Variants in EFTUD2 observed in about 807,000 individuals in gnomAD.
EFTUD2 encodes the protein elongation factor Tu GTP binding domain containing 2.
In EFTUD2, 9 loss-of-function variants were observed where a neutral mutation model predicts 114.3. The ratio of observed to expected loss-of-function variants is 0.08; its 90% CI spans 0.05 to 0.14. EFTUD2 has a LOEUF of 0.14. Ranked by LOEUF, EFTUD2 falls within the 10% of genes least tolerant of loss-of-function variation. The pLI is 1.00. For synonymous variants in EFTUD2, 449 were observed against 462.3 expected, an observed-to-expected ratio of 0.97 and a Z score of 0.37; for missense variants, 765 against 1,241.2, an observed-to-expected ratio of 0.62 and a Z score of 5.76.
At chr17:44,869,798 C>T (rs979852336) in intron 11 of EFTUD2, among the ~76,000 whole-genome samples, 1 of 152,192 alleles carries the variant, frequency 6.6e-6, no homozygotes, top group African/African-American at 2.4e-5. Flanking sequence ...CCTACCCCAC[C>T]CCTAAATTCT....
chr17:44,872,983 G>A (rs1390754991), intron 10 of EFTUD2: 1 of 152,782 alleles, frequency 6.5e-6, no homozygotes, highest in Non-Finnish European at 1.5e-5. Flanking sequence ...AGGAAATGAA[G>A]AAAAGCAACT....
intron 1 of EFTUD2, among the ~76,000 whole-genome samples, chr17:44,898,345 G>A (rs2051435975): frequency 6.6e-6 from 1 of 152,138 alleles, no homozygotes; most frequent in Non-Finnish European, 1.5e-5. Flanking sequence ...AGCCTCCCGA[G>A]TAGTTGGGAC....
Position 44,884,748 on chromosome 17 carries a change from G to A in EFTUD2, c.350+508C>T, listed in dbSNP as rs146579610. On this transcript the variant is annotated intron_variant, in intron 4 of 27. Transcript: ENST00000426333. ...CAAAAAACACAAAAATTAGCCAGGC[G>A]TGGTGGTGTGTTCCTGTAGTTCCAG... 2.4e-3 allele frequency among the ~76,000 whole-genome samples: 363 copies of A among 152,048 alleles called. 2 individuals are homozygous for A. Among genetic ancestry groups the A allele is most frequent in the African/African-American group, 7.9e-3 (327 of 41,472 alleles).
chr17:44,888,258 T>C (rs2145563562), intron 2 of EFTUD2, among the ~76,000 whole-genome samples: 1 of 152,158 alleles, frequency 6.6e-6, no homozygotes, highest in East Asian at 1.9e-4. Context: ...CTCTAAGAAT[T>C]TGGACTTTAC....
intron 25 of EFTUD2, among the ~76,000 whole-genome samples, chr17:44,852,886 A>ATT (rs11449772): frequency 1.2e-3 from 178 of 148,474 alleles, no homozygotes; most frequent in East Asian, 8.0e-3. Flanking sequence ...AGAAATGTCA[A>ATT]TTTTTTTTTT....
At chr17:44,874,915 T>A (rs2050919064) in intron 10 of EFTUD2, among the ~76,000 whole-genome samples, 1 of 152,258 alleles carries the variant, frequency 6.6e-6, no homozygotes, top group Admixed American at 6.5e-5. Flanking sequence ...TCTTATAACA[T>A]CCCTTGTAAG....
intron 11 of EFTUD2, among the ~76,000 whole-genome samples, chr17:44,871,027 AG>A (rs2050843418): frequency 6.6e-6 from 1 of 151,488 alleles, no homozygotes; most frequent in African/African-American, 2.4e-5. Context: ...CAAAAAAAAA[AG>A]AAAAAGAACC....
intron 4 of EFTUD2, among the ~76,000 whole-genome samples, chr17:44,884,703 G>A (rs1272181715): frequency 6.6e-6 from 1 of 151,808 alleles, no homozygotes; most frequent in Non-Finnish European, 1.5e-5. Context: ...GACCAGCTTG[G>A]GCAACATAGT....
At chr17:44,851,865 A>G (rs915304341) in intron 26 of EFTUD2, 48 bp from the exon 27 acceptor site, 1 of 1,508,896 alleles carries the variant, frequency 6.6e-7, no homozygotes, top group Non-Finnish European at 9.0e-7. Flanking sequence ...TTCCCAGAAG[A>G]TTCAGGCCCA....
chr17:44,868,461 A>G, intron 11 of EFTUD2, 111 bp from the exon 12 acceptor site: 1 of 1,012,196 alleles, frequency 9.9e-7, no homozygotes, highest in Non-Finnish European at 1.5e-6. Context: ...TTTCCTTTCC[A>G]GGGTCCAGGC....
At position 44,851,280 on chromosome 17, in the gene EFTUD2, G is replaced by A; in HGVS notation, c.2913C>T (p.Pro971=). ...LAKQDVVLNY[P]M ...CTCCCAGGAGTCCACGCACTCACAT[G>A]GGGTAATTGAGCACAACATCCTGTT... The change falls in exon 28 of 28, where the codon CCC becomes CCT. Residue 971 remains proline, a synonymous_variant. Coordinates refer to ENST00000426333, the MANE Select transcript of EFTUD2 (RefSeq NM_004247.4). 1 of 1,613,902 alleles carries A rather than the reference G, an allele frequency of 6.2e-7. No individual in the cohort carries two copies. Among genetic ancestry groups the A allele is most frequent in the Non-Finnish European group, 8.5e-7 (1 of 1,179,824 alleles).
At chr17:44,857,505 T>C (rs2050577842) in intron 19 of EFTUD2, 1 of 294,970 alleles carries the variant, frequency 3.4e-6, no homozygotes, top group South Asian at 3.4e-5. Flanking sequence ...GAGCTGGTGC[T>C]GAGACCCACT....
intron 20 of EFTUD2, among the ~76,000 whole-genome samples, chr17:44,856,727 C>T (rs897248817): frequency 2.9e-5 from 4 of 138,312 alleles, no homozygotes; most frequent in Admixed American, 7.4e-5. Flanking sequence ...TGCTTAAGCC[C>T]AGAAAGTTGA....
rs1292476375 is a variant in EFTUD2 at position 44,899,425 on chromosome 17, C to T, written c.-61G>A. Reference sequence around the variant, plus strand: ...CGCTGCCGGAGATCGTGCTTCCGCCCCACGCCGAGGAAACGCCTGCGCCCG... The same window carrying T: ...CGCTGCCGGAGATCGTGCTTCCGCCTCACGCCGAGGAAACGCCTGCGCCCG... On this transcript the variant is annotated 5_prime_UTR_variant, in exon 1 of 28. Coordinates refer to ENST00000426333, the MANE Select transcript of EFTUD2 (RefSeq NM_004247.4). 2 of 152,520 alleles carry T rather than the reference C, an allele frequency of 1.3e-5. No individual in the cohort carries two copies. Among genetic ancestry groups the T allele is most frequent in the East Asian group, 1.9e-4 (1 of 5,200 alleles). The allele number at this position is 152,520 out of a possible 1,614,324, so 9.4% of individuals were successfully genotyped here. A position where few individuals can be genotyped will look rare whatever the true frequency, so the allele number is the denominator to read the frequency against.
Position 44,854,142 on chromosome 17 carries a change from T to G in EFTUD2, c.2347+127A>C, listed in dbSNP as rs1597789001. 49 of 1,402,064 alleles carry G rather than the reference T, an allele frequency of 3.5e-5. No individual in the cohort carries two copies. The East Asian group carries it at 1.1e-3, about 32-fold the overall frequency. The allele number at this position is 1,402,064 out of a possible 1,614,324, so 86.9% of individuals were successfully genotyped here. On this transcript the variant is annotated intron_variant, in intron 23 of 27. Transcript: ENST00000426333. This position sits in a 1 kb window ranked among gnomAD's most constrained non-coding sequence, Gnocchi z 4.3. The stretch of plus-strand genomic sequence containing the variant: ...AAAGGGAAGAAGCTGGCCCAGGACT[T>G]GGGATGGTCCTGTGTACCCCAAGCT...
In EFTUD2 at chr17:44,854,339, A is replaced by G. The variant is rs1313861407; in HGVS notation, c.2277T>C (p.Leu759=). Residue 759 remains leucine (L), a synonymous_variant, in exon 23 of 28, where the codon CTT becomes CTC. Coordinates refer to ENST00000426333, the MANE Select transcript of EFTUD2 (RefSeq NM_004247.4). The surrounding 1 kb of genome is among the most constrained non-coding windows in gnomAD (Gnocchi z 4.3). ...TLPSEVDKAL[L]GSVKDSIVQG... ...GAACGATGCTGTCCTTCACTGAACC[A>G]AGAAGAGCCTTGTCCACCTATAGAG... 1.9e-6 allele frequency: 3 copies of G among 1,613,816 alleles called. No individual in the cohort carries two copies. Among genetic ancestry groups the G allele is most frequent in the Non-Finnish European group, 2.5e-6 (3 of 1,179,936 alleles).
chr17:44,893,767 T>TGG (rs775875878), intron 2 of EFTUD2, among the ~76,000 whole-genome samples: 965 of 85,430 alleles, frequency 0.011, 22 homozygotes, highest in African/African-American at 0.041. Context: ...TAAAAAAAGG[T>TGG]GGGGGGGGGG....
chr17:44,851,954 G>A, intron 26 of EFTUD2, 137 bp from the exon 27 acceptor site: 1 of 808,014 alleles, frequency 1.2e-6, no homozygotes, highest in East Asian at 3.1e-5. Context: ...TTTCGCTCTT[G>A]TCTCCCAGGC....
intron 1 of EFTUD2, among the ~76,000 whole-genome samples, chr17:44,896,399 G>A (rs1333131471): frequency 7.2e-5 from 11 of 152,216 alleles, no homozygotes; most frequent in Non-Finnish European, 1.3e-4. Context: ...TGTAATCCCA[G>A]CACTTTGGCA....
Sources: allele counts gnomAD v4.1 joint callset (sites outside exome capture counted in the v4.1 genomes callset), GRCh38; gene constraint gnomAD v4.1.1; non-coding constraint Gnocchi (gnomAD v3.1); transcripts MANE v1.5; gene names NCBI Gene and HGNC (gene_info 2026-07-23, HGNC 2026-07-21).